The following FARS2 variants were observed in gnomAD, a reference collection of about 807,000 sequenced individuals.
The protein encoded by FARS2 is phenylalanine--tRNA ligase, mitochondrial.
Under a neutral mutation model 46.4 loss-of-function variants are expected in FARS2, and 40 were observed. That is an observed-to-expected ratio of 0.86 (90% CI 0.67 to 1.12). The LOEUF (loss-of-function observed/expected upper bound fraction) is 1.12. Ranked by LOEUF, FARS2 falls within the 50% of genes most tolerant of loss-of-function variation. The probability of loss-of-function intolerance (pLI) is 0.00; values close to 1 mark genes in which losing one functional copy is unlikely to be tolerated. For missense variants in FARS2, 513 were observed against 567.9 expected, an observed-to-expected ratio of 0.90 and a Z score of 0.98; for synonymous variants, 234 against 214.9, an observed-to-expected ratio of 1.09 and a Z score of -0.78.
intron 6 of FARS2, among the ~76,000 whole-genome samples, chr6:5,734,329 C>T (rs1230514246): frequency 6.6e-6 from 1 of 152,150 alleles, no homozygotes; most frequent in Non-Finnish European, 1.5e-5. Flanking sequence ...AGCTCTTGTC[C>T]CATAGGAAAG....
chr6:5,436,323 G>T (rs2127778704), intron 4 of FARS2, among the ~76,000 whole-genome samples: 1 of 152,266 alleles, frequency 6.6e-6, no homozygotes, highest in African/African-American at 2.4e-5. Context: ...CCTGTCTCTG[G>T]TAGTTGATCT....
intron 3 of FARS2, among the ~76,000 whole-genome samples, chr6:5,430,188 G>A (rs554345599): frequency 2.6e-5 from 4 of 151,864 alleles, no homozygotes; most frequent in Non-Finnish European, 5.9e-5. Flanking sequence ...GAAGGGAAAG[G>A]GACACAGGGA....
At chr6:5,559,639 T>C (rs944945015) in intron 5 of FARS2, among the ~76,000 whole-genome samples, 1 of 152,206 alleles carries the variant, frequency 6.6e-6, no homozygotes, top group Non-Finnish European at 1.5e-5. Context: ...CAGAGAAGTT[T>C]TTTGGAAATT....
chr6:5,733,793 C>T (rs915112820), intron 6 of FARS2, among the ~76,000 whole-genome samples: 21 of 152,174 alleles, frequency 1.4e-4, no homozygotes, highest in African/African-American at 5.1e-4. Flanking sequence ...GACACCGGCT[C>T]CTAAGTGAGG....
chr6:5,558,570 T>C (rs1771802893), intron 5 of FARS2, among the ~76,000 whole-genome samples: 1 of 152,134 alleles, frequency 6.6e-6, no homozygotes, highest in African/African-American at 2.4e-5. Flanking sequence ...GGAGTCTCTC[T>C]CTGTCCCCCA....
intron 6 of FARS2, among the ~76,000 whole-genome samples, chr6:5,687,506 T>A (rs1757330062): frequency 6.6e-6 from 1 of 152,180 alleles, no homozygotes; most frequent in South Asian, 2.1e-4. Flanking sequence ...ATCAGATAGT[T>A]GTAGATATGC....
In FARS2 at chr6:5,335,468, A is replaced by T. The variant is rs559950069; in HGVS notation, c.-21-33082A>T. ...TATCTTGCACTTACATATTGATGTT[A>T]TTTGTTTTTTTACCAATATTGAAAT... On this transcript the variant is annotated intron_variant, in intron 1 of 6. Transcript: ENST00000274680. 2.9e-4 allele frequency among the ~76,000 whole-genome samples: 44 copies of T among 152,234 alleles called. 1 individual carries two copies. In the South Asian group the frequency reaches 8.7e-3, roughly 30 times the overall value.
chr6:5,607,976 G>A (rs1582569581), intron 5 of FARS2, among the ~76,000 whole-genome samples: 1 of 107,486 alleles, frequency 9.3e-6, no homozygotes, highest in East Asian at 2.9e-4. Flanking sequence ...TTTTTACTTG[G>A]GCATGTATTT....
intron 4 of FARS2, among the ~76,000 whole-genome samples, chr6:5,508,222 A>G (rs73356344): frequency 2.1e-3 from 314 of 152,360 alleles, no homozygotes; most frequent in African/African-American, 7.3e-3. Flanking sequence ...AGTGTGCACC[A>G]AGAGAGGAAT....
At position 5,764,459 on chromosome 6, in the gene FARS2, C is replaced by T. The variant is rs1762647458; in HGVS notation, c.1218-6832C>T. Reference sequence around the variant, plus strand: ...TCGCAGCCATGCACAGTGCCTCTGACGTGGGCAGCTCCAGACTGAGCTTCT... The same window carrying T: ...TCGCAGCCATGCACAGTGCCTCTGATGTGGGCAGCTCCAGACTGAGCTTCT... On this transcript the variant is annotated intron_variant, in intron 6 of 6. Transcript: ENST00000274680. This position sits in a 1 kb window ranked among gnomAD's most constrained non-coding sequence, Gnocchi z 4.1. Among the ~76,000 whole-genome samples, 2 of 152,110 alleles carry T rather than the reference C, an allele frequency of 1.3e-5. No individual in the cohort carries two copies. Among genetic ancestry groups the T allele is most frequent in the East Asian group, 1.9e-4 (1 of 5,190 alleles).
chr6:5,380,510 G>A (rs767748690), intron 2 of FARS2, among the ~76,000 whole-genome samples: 4 of 152,198 alleles, frequency 2.6e-5, no homozygotes, highest in African/African-American at 7.2e-5. Flanking sequence ...GCTACTTGTA[G>A]GGATGGAGTG....
At chr6:5,712,508 G>T (rs1329948971) in intron 6 of FARS2, among the ~76,000 whole-genome samples, 1 of 152,138 alleles carries the variant, frequency 6.6e-6, no homozygotes, top group Non-Finnish European at 1.5e-5. Flanking sequence ...TTCCCCTACT[G>T]TTCACCTGCT....
At chr6:5,578,445 G>A (rs540210352) in intron 5 of FARS2, among the ~76,000 whole-genome samples, 5 of 152,242 alleles carry the variant, frequency 3.3e-5, no homozygotes, top group South Asian at 4.2e-4. Context: ...TGGGGTGGGG[G>A]CTGGAAGGTG....
intron 1 of FARS2, among the ~76,000 whole-genome samples, chr6:5,307,630 G>A (rs751882506): frequency 5.3e-5 from 8 of 152,198 alleles, no homozygotes; most frequent in Non-Finnish European, 8.8e-5. Context: ...TTTTAAGTTC[G>A]TTAACTTGAT....
intron 6 of FARS2, among the ~76,000 whole-genome samples, chr6:5,731,696 C>G (rs2150937490): frequency 6.6e-6 from 1 of 152,270 alleles, no homozygotes; most frequent in South Asian, 2.1e-4. Context: ...TCCACCAAAA[C>G]CTATGGATCT....
At chr6:5,661,759 A>G (rs1777860567) in intron 6 of FARS2, among the ~76,000 whole-genome samples, 1 of 150,762 alleles carries the variant, frequency 6.6e-6, no homozygotes, top group Non-Finnish European at 1.5e-5. Flanking sequence ...AGAAATGGAG[A>G]CAGTAAGTAG....
intron 5 of FARS2, among the ~76,000 whole-genome samples, chr6:5,546,285 C>G (rs1308908939): frequency 7.3e-6 from 1 of 137,436 alleles, no homozygotes; most frequent in Admixed American, 7.5e-5. Context: ...TAGACAGAAT[C>G]TCACTCTGTC....
At chr6:5,384,248 C>G (rs1362389596) in intron 2 of FARS2, among the ~76,000 whole-genome samples, 1 of 152,200 alleles carries the variant, frequency 6.6e-6, no homozygotes, top group Non-Finnish European at 1.5e-5. Context: ...ACTTCCTTTT[C>G]TCCTAGGAGA....
chr6:5,522,102 T>A (rs372153762), intron 4 of FARS2, among the ~76,000 whole-genome samples: 2 of 152,212 alleles, frequency 1.3e-5, no homozygotes, highest in African/African-American at 4.8e-5. Context: ...CCCCTTGAAA[T>A]TTAAGTGACT....
Sources: allele counts gnomAD v4.1 joint callset (sites outside exome capture counted in the v4.1 genomes callset), GRCh38; gene constraint gnomAD v4.1.1; non-coding constraint Gnocchi (gnomAD v3.1); transcripts MANE v1.5; gene names NCBI Gene and HGNC (gene_info 2026-07-23, HGNC 2026-07-21).